Variants in NAV3 observed in about 807,000 individuals in gnomAD.
NAV3 encodes pore membrane and/or filament interacting like protein 1.
Under a neutral mutation model 244.7 loss-of-function variants are expected in NAV3, and 87 were observed. The observed-to-expected ratio is 0.36, with a 90% CI of 0.30 to 0.42. The LOEUF (loss-of-function observed/expected upper bound fraction) is 0.42, where lower values mean the gene tolerates loss of function less well. NAV3 is among the 20% of genes least tolerant of loss of function. The probability of loss-of-function intolerance (pLI) is 1.00; values close to 1 mark genes in which losing one functional copy is unlikely to be tolerated. For missense variants in NAV3, 2,663 were observed against 2,893.3 expected (o/e 0.92, Z 1.83); for synonymous variants, 1,126 against 1,042.2 (o/e 1.08, Z -1.55).
At chr12:77,799,736 A>G (rs1459749486) in intron 2 of NAV3, among the ~76,000 whole-genome samples, 1 of 152,166 alleles carries the variant, frequency 6.6e-6, no homozygotes, top group Non-Finnish European at 1.5e-5. Flanking sequence ...GTGATAGTTC[A>G]TATCTGTTGT....
intron 1 of NAV3, among the ~76,000 whole-genome samples, chr12:77,852,578 A>T (rs1877712851): frequency 6.6e-6 from 1 of 152,070 alleles, no homozygotes; most frequent in Admixed American, 6.6e-5. Context: ...TAAATAAATA[A>T]TGTTATACTT....
intron 2 of NAV3, among the ~76,000 whole-genome samples, chr12:77,716,454 CA>C (rs1302250713): frequency 6.6e-6 from 1 of 151,148 alleles, no homozygotes; most frequent in Non-Finnish European, 1.5e-5. Context: ...GTATATTGTA[CA>C]AAAATCATAA....
At position 77,940,318 on chromosome 12, in the gene NAV3, G is replaced by A; in HGVS notation, c.244-1G>A. ...ACTTTTTCCTTCTCTCTGTTCAACA[G>A]ATTTACACTGACTGGGCCAACCACT... is the stretch of plus-strand genomic sequence containing the variant. On this transcript the variant is annotated splice_acceptor_variant, in intron 1 of 39. Transcript: ENST00000397909. LOFTEE classifies it high-confidence loss of function. The A allele has an allele frequency of 6.2e-7, 1 of 1,612,410 alleles. No homozygotes were observed. Among genetic ancestry groups the A allele is most frequent in the Non-Finnish European group, 8.5e-7 (1 of 1,179,062 alleles).
At chr12:78,039,551 T>C (rs1297833270) in intron 9 of NAV3, among the ~76,000 whole-genome samples, 1 of 152,120 alleles carries the variant, frequency 6.6e-6, no homozygotes, top group African/African-American at 2.4e-5. Context: ...ATCAGGAAGC[T>C]GTACTCTACA....
chr12:77,671,478 A>G (rs996275361), intron 2 of NAV3, among the ~76,000 whole-genome samples: 2 of 152,150 alleles, frequency 1.3e-5, no homozygotes, highest in South Asian at 4.1e-4. Flanking sequence ...CAAAAATAAT[A>G]AATCTGGAGG....
chr12:77,697,381 A>G (rs188567477), intron 2 of NAV3, among the ~76,000 whole-genome samples: 5 of 152,322 alleles, frequency 3.3e-5, no homozygotes, highest in Non-Finnish European at 4.4e-5. Context: ...CACAGATGTT[A>G]GAGTAAGACA....
At chr12:78,200,195 T>C (rs986751915) in intron 37 of NAV3, among the ~76,000 whole-genome samples, 1 of 152,060 alleles carries the variant, frequency 6.6e-6, no homozygotes, top group Admixed American at 6.6e-5. Context: ...CACAGCTTTA[T>C]TGCTTGTAAA....
At chr12:78,025,506 G>C (rs1278153257) in intron 9 of NAV3, among the ~76,000 whole-genome samples, 2 of 135,536 alleles carry the variant, frequency 1.5e-5, no homozygotes. Flanking sequence ...TGAGGCAGGA[G>C]AATCACTTGA....
At chr12:77,984,537 A>T (rs1361709524) in intron 5 of NAV3, among the ~76,000 whole-genome samples, 4 of 149,208 alleles carry the variant, frequency 2.7e-5, no homozygotes, top group Non-Finnish European at 4.4e-5. Flanking sequence ...CTTCTAAGTG[A>T]TCTGCAATTT....
chr12:77,973,236 A>G (rs1231148125), intron 5 of NAV3, among the ~76,000 whole-genome samples: 1 of 152,220 alleles, frequency 6.6e-6, no homozygotes, highest in Non-Finnish European at 1.5e-5. Context: ...ATTAAATCAC[A>G]TGAATAGTTT....
intron 2 of NAV3, among the ~76,000 whole-genome samples, chr12:77,788,117 T>C (rs778577967): frequency 1.3e-5 from 2 of 152,160 alleles, no homozygotes; most frequent in Non-Finnish European, 2.9e-5. Flanking sequence ...TGCCTTTGTG[T>C]CTTCATGTAT....
In NAV3 at chr12:78,049,994, T is replaced by C. The variant is rs1259202722; in HGVS notation, c.2025T>C (p.Gly675=). ...AAATTTATCATATTGCTTTCCTAGG[T>C]GAAGACCCTGAAACAAGAAGAATGA... ...TAKQCLEEIS[G]EDPETRRMRT... is the part of the protein sequence containing the mutation. Residue 675 remains glycine (G), a splice_region_variant and synonymous_variant, in exon 10 of 40, where the codon GGT becomes GGC. Transcript: ENST00000397909. 1.2e-6 allele frequency: 2 copies of C among 1,604,500 alleles called. No homozygotes were observed. The highest frequency in any genetic ancestry group is 1.3e-5 in the African/African-American group (1 of 74,478).
chr12:77,729,291 T>C (rs1296448988), intron 2 of NAV3, among the ~76,000 whole-genome samples: 3 of 151,968 alleles, frequency 2.0e-5, no homozygotes, highest in Non-Finnish European at 2.9e-5. Flanking sequence ...TGTGTTGGTC[T>C]TAGAATGTGG....
At chr12:77,936,654 T>C (rs1889355397) in intron 1 of NAV3, among the ~76,000 whole-genome samples, 1 of 152,206 alleles carries the variant, frequency 6.6e-6, no homozygotes, top group South Asian at 2.1e-4. Context: ...AAATGTTAAA[T>C]ACTGTGATTA....
At position 78,112,697 on chromosome 12, in the gene NAV3, G is replaced by C. The variant is rs559977109; in HGVS notation, c.2637-4075G>C. Among the ~76,000 whole-genome samples, 53 of 152,244 alleles carry C rather than the reference G, an allele frequency of 3.5e-4. 1 individual carries two copies. Among genetic ancestry groups the C allele is most frequent in the Admixed American group, 2.9e-3 (45 of 15,298 alleles). On this transcript the variant is annotated intron_variant, in intron 12 of 39. Transcript: ENST00000397909. ...GCTTATGGGAACTACAATTCAAGATGAGATTTGGGTGGGGACACAGCCACA... is the reference window on the plus strand; with the variant it reads ...GCTTATGGGAACTACAATTCAAGATCAGATTTGGGTGGGGACACAGCCACA...
chr12:78,103,148 G>T (rs553943501), intron 12 of NAV3, among the ~76,000 whole-genome samples: 2 of 152,118 alleles, frequency 1.3e-5, no homozygotes, highest in African/African-American at 4.8e-5. Flanking sequence ...TTTAAAATGC[G>T]ATGCTCTAAC....
chr12:78,175,282 G>A (rs1958172539), intron 24 of NAV3, 24 bp from the exon 25 acceptor site: 2 of 1,608,194 alleles, frequency 1.2e-6, no homozygotes, highest in Non-Finnish European at 1.7e-6. Context: ...ATGAGCCGAT[G>A]TGATACTCTC....
intron 2 of NAV3, among the ~76,000 whole-genome samples, chr12:77,752,198 C>T (rs1868891415): frequency 6.6e-6 from 1 of 152,120 alleles, no homozygotes; most frequent in South Asian, 2.1e-4. Flanking sequence ...AACTGATGCA[C>T]CATTACTTTG....
intron 20 of NAV3, among the ~76,000 whole-genome samples, chr12:78,141,315 A>T (rs1164902536): frequency 1.3e-5 from 2 of 152,152 alleles, no homozygotes; most frequent in Non-Finnish European, 2.9e-5. Context: ...TATCTTTTTT[A>T]AAAAAGTAGC....
Sources: gnomAD v4.1 joint callset for allele counts (sites outside exome capture counted in the v4.1 genomes callset) on GRCh38, gnomAD v4.1.1 for gene constraint, MANE v1.5 for transcripts, NCBI Gene and HGNC (gene_info 2026-07-23, HGNC 2026-07-21) for gene names.